The following SSR3 variants were observed in gnomAD, a reference collection of about 807,000 sequenced individuals.
The protein encoded by SSR3 is signal sequence receptor subunit 3.
A neutral mutation model predicts 22.1 loss-of-function variants in SSR3; 10 were observed. The observed-to-expected ratio is 0.45, with a 90% CI of 0.28 to 0.77. The LOEUF (loss-of-function observed/expected upper bound fraction) is 0.77. SSR3 is among the 30% of genes least tolerant of loss of function. The pLI, the probability that SSR3 is intolerant of heterozygous loss-of-function variation, is 0.13. For missense variants in SSR3, 181 were observed against 220.5 expected, an observed-to-expected ratio of 0.82 and a Z score of 1.13; for synonymous variants, 104 against 82.5, an observed-to-expected ratio of 1.26 and a Z score of -1.42.
chr3:156,553,837 G>A (rs909570636), intron 1 of SSR3, 56 bp from the exon 2 acceptor site: 17 of 1,529,526 alleles, frequency 1.1e-5, no homozygotes, highest in Admixed American at 1.1e-4. Context: ...TTACAACCCC[G>A]CAACAAAAGC....
chr3:156,548,873 T>C (rs1371904891), intron 3 of SSR3, 32 bp downstream of exon 3: 1 of 1,604,430 alleles, frequency 6.2e-7, no homozygotes, highest in Non-Finnish European at 8.5e-7. Context: ...TACCCCCTTT[T>C]ATGATGGCCA....
rs1455913120 is a variant in SSR3 at position 156,548,874 on chromosome 3, A to C, written c.359+31T>G. On this transcript the variant is annotated intron_variant, in intron 3 of 4. Transcript: ENST00000265044. Reference sequence around the variant, plus strand: ...AATTCTCTTCAAAGTACCCCCTTTTATGATGGCCATACTTTAAACAGGAGT... The same window carrying C: ...AATTCTCTTCAAAGTACCCCCTTTTCTGATGGCCATACTTTAAACAGGAGT... The C allele has an allele frequency of 3.1e-6, 5 of 1,604,760 alleles. No individual in the cohort carries two copies. In the African/African-American group the frequency reaches 6.7e-5, roughly 22 times the overall value.
At position 156,541,125 on chromosome 3, in the gene SSR3, A is replaced by G. The variant is rs1165150397; in HGVS notation, c.*2078T>C. The G allele has an allele frequency of 6.6e-6, 1 of 152,240 alleles. No individual in the cohort carries two copies. The highest frequency in any genetic ancestry group is 1.5e-5 in the Non-Finnish European group (1 of 68,046). The allele number at this position is 152,240 out of a possible 1,614,324, so 9.4% of individuals were successfully genotyped here. A position where few individuals can be genotyped will look rare whatever the true frequency, so the allele number is the denominator to read the frequency against. On this transcript the variant is annotated 3_prime_UTR_variant, in exon 5 of 5. Transcript: ENST00000265044. ...ATCTTCAGTTTATTAATTCAAGAGA[A>G]ACTATATTAGGAATATTCGGCTGAT...
In SSR3 at chr3:156,544,397, T is replaced by C. The variant is rs1378831335; in HGVS notation, c.402A>G (p.Thr134=). The change falls in exon 4 of 5, where the codon ACA becomes ACG. Residue 134 remains threonine (T), a synonymous_variant. Transcript: ENST00000265044. ...KKNEVADYEA[T]TFSIFYNNTL... is the part of the protein sequence containing the mutation. ...TGTTGTTATAGAAGATGGAAAATGT[T>C]GTAGCTTCATAATCAGCAACTTCAT... 4.4e-6 allele frequency: 7 copies of C among 1,593,454 alleles called. No homozygotes were observed. The highest frequency in any genetic ancestry group is 1.7e-5 in the Admixed American group (1 of 57,570).
chr3:156,544,420 C>T lies in SSR3; in HGVS notation c.379G>A (p.Glu127Lys). The change falls in exon 4 of 5, where the codon GAA (glutamate) becomes AAA (lysine). Residue 127 changes from glutamate (E) to lysine (K), a missense_variant. Physicochemically the swap from Glu to Lys is moderately conservative, Grantham distance 56. Coordinates refer to ENST00000265044, the MANE Select transcript of SSR3 (RefSeq NM_007107.5). ...GTTGTAGCTTCATAATCAGCAACTT[C>T]ATTCTTCTTCCACAAGATTCTACAG... ...KDERILWKKN[E>K]VADYEATTFS... 6.3e-7 allele frequency: 1 copy of T among 1,582,748 alleles called. No individual in the cohort carries two copies. The highest frequency in any genetic ancestry group is 8.6e-7 in the Non-Finnish European group (1 of 1,165,762).
chr3:156,554,840 G>A, intron 1 of SSR3, 117 bp downstream of exon 1: 1 of 1,363,880 alleles, frequency 7.3e-7, no homozygotes, highest in Non-Finnish European at 9.9e-7. Context: ...GGGAGCTGGA[G>A]AGATTGCCGA....
At chr3:156,548,635 T>C (rs1271733761) in intron 3 of SSR3, among the ~76,000 whole-genome samples, 1 of 152,240 alleles carries the variant, frequency 6.6e-6, no homozygotes, top group Non-Finnish European at 1.5e-5. Context: ...TGTACCTTTG[T>C]TGCCTCAGGT....
chr3:156,549,841 A>G (rs916031466), intron 2 of SSR3, among the ~76,000 whole-genome samples: 28 of 152,190 alleles, frequency 1.8e-4, no homozygotes, highest in African/African-American at 6.5e-4. Flanking sequence ...AACACACACA[A>G]TTAAGAGGAA....
chr3:156,554,834 G>A (rs747185704), intron 1 of SSR3, 123 bp downstream of exon 1: 18 of 1,312,494 alleles, frequency 1.4e-5, no homozygotes, highest in African/African-American at 1.5e-5. Flanking sequence ...GCTCAGGGGA[G>A]CTGGAGAGAT....
intron 3 of SSR3, among the ~76,000 whole-genome samples, chr3:156,546,861 A>C (rs936683202): frequency 2.4e-4 from 37 of 152,216 alleles, no homozygotes; most frequent in African/African-American, 8.4e-4. Context: ...CCATCCTTGG[A>C]TAAATGAACA....
rs1719612041 is a variant in SSR3, at chr3:156,542,812, T to C, written c.*391A>G. 5.7e-6 allele frequency: 1 copy of C among 175,688 alleles called. No individual in the cohort carries two copies. The highest frequency in any genetic ancestry group is 1.2e-5 in the Non-Finnish European group (1 of 84,234). The allele number at this position is 175,688 out of a possible 1,614,324, so 10.9% of individuals were successfully genotyped here. On this transcript the variant is annotated 3_prime_UTR_variant, in exon 5 of 5. Transcript: ENST00000265044. The stretch of plus-strand genomic sequence containing the variant: ...CTGATATTTACGGTTCAAAAGAAGT[T>C]GTAATATTGTGCTTGGAACACAGAG...
Position 156,541,951 on chromosome 3 carries a change from G to C in SSR3, c.*1252C>G, listed in dbSNP as rs1025819530. The C allele has an allele frequency of 6.6e-6, 1 of 152,120 alleles. No individual in the cohort carries two copies. Among genetic ancestry groups the C allele is most frequent in the Non-Finnish European group, 1.5e-5 (1 of 68,028 alleles). 9.4% of individuals were successfully genotyped at this position (152,120 alleles called of 1,614,324 possible). A position where few individuals can be genotyped will look rare whatever the true frequency, so the allele number is the denominator to read the frequency against. ...TGAATAATTTTTATAAAATTATAAA[G>C]AAAACAACTAATAACATGTATGAAA... On this transcript the variant is annotated 3_prime_UTR_variant, in exon 5 of 5. Transcript: ENST00000265044.
chr3:156,542,071 C>T lies in SSR3; in HGVS notation c.*1132G>A, dbSNP rs1010689301. The T allele has an allele frequency of 6.6e-6, 1 of 152,196 alleles. No homozygotes were observed. Among genetic ancestry groups the T allele is most frequent in the African/African-American group, 2.4e-5 (1 of 41,438 alleles). 9.4% of individuals were successfully genotyped at this position (152,196 alleles called of 1,614,324 possible). A position where few individuals can be genotyped will look rare whatever the true frequency, so the allele number is the denominator to read the frequency against. ...AATTACTGAATGACAACTGCTATCA[C>T]CTGTGATTTCATATCCTTTTAGCTG... On this transcript the variant is annotated 3_prime_UTR_variant, in exon 5 of 5. Coordinates refer to ENST00000265044, the MANE Select transcript of SSR3 (RefSeq NM_007107.5).
Position 156,544,315 on chromosome 3 carries a change from G to T in SSR3, c.484C>A (p.Pro162Thr). The stretch of plus-strand genomic sequence containing the variant: ...CAACCTTGAAAAGGATACACTGTGG[G>T]GTTGAAGTTCTTCAATATGAAGAAG... The part of the protein sequence containing the change: ...ASFFILKNFN[P>T]TVNYILSISA... The change falls in exon 4 of 5, where the codon CCC becomes ACC. Residue 162 changes from proline to threonine, a missense_variant. Coordinates refer to ENST00000265044, the MANE Select transcript of SSR3 (RefSeq NM_007107.5). 6.3e-7 allele frequency: 1 copy of T among 1,588,378 alleles called. No individual in the cohort carries two copies. Among genetic ancestry groups the T allele is most frequent in the South Asian group, 1.2e-5 (1 of 85,128 alleles).
At chr3:156,550,070 A>T (rs1430874143) in intron 2 of SSR3, among the ~76,000 whole-genome samples, 1 of 152,248 alleles carries the variant, frequency 6.6e-6, no homozygotes, top group Non-Finnish European at 1.5e-5. Context: ...TCTTTAGCAG[A>T]CCAGGCACTA....
intron 3 of SSR3, among the ~76,000 whole-genome samples, chr3:156,546,370 CT>C (rs1394340559): frequency 1.3e-5 from 2 of 152,204 alleles, no homozygotes; most frequent in Non-Finnish European, 2.9e-5. Flanking sequence ...TTAAACTTTT[CT>C]TTATAAATTA....
At chr3:156,545,318 G>C (rs1241314078) in intron 3 of SSR3, among the ~76,000 whole-genome samples, 1 of 152,218 alleles carries the variant, frequency 6.6e-6, no homozygotes, top group Non-Finnish European at 1.5e-5. Flanking sequence ...ATCGCACAGA[G>C]TAGGATAATT....
Position 156,543,159 on chromosome 3 carries a change from AG to A in SSR3, c.*43del, listed in dbSNP as rs1423127471. 9 of 1,577,366 alleles carry A rather than the reference AG, an allele frequency of 5.7e-6. No individual in the cohort carries two copies. The highest frequency in any genetic ancestry group is 7.8e-6 in the Non-Finnish European group (9 of 1,150,076). On this transcript the variant is annotated 3_prime_UTR_variant, in exon 5 of 5. Coordinates refer to ENST00000265044, the MANE Select transcript of SSR3 (RefSeq NM_007107.5). ...ACCCTGCTACTTTTCCATATACCAC[AG>A]GCCACCCATAGACACAAAGCCAGGG...
At chr3:156,547,203 C>A (rs1460007160) in intron 3 of SSR3, among the ~76,000 whole-genome samples, 2 of 152,176 alleles carry the variant, frequency 1.3e-5, no homozygotes, top group African/African-American at 4.8e-5. Context: ...CCTCACCCCA[C>A]TTTGAAATAC....
Sources: gnomAD v4.1 joint callset for allele counts (sites outside exome capture counted in the v4.1 genomes callset) on GRCh38, gnomAD v4.1.1 for gene constraint, MANE v1.5 for transcripts, NCBI Gene and HGNC (gene_info 2026-07-23, HGNC 2026-07-21) for gene names.